The following VPS13B variants were observed in gnomAD, a reference collection of about 807,000 sequenced individuals.
VPS13B encodes intermembrane lipid transfer protein VPS13B.
Under a neutral mutation model 426.4 loss-of-function variants are expected in VPS13B, and 285 were observed. The observed-to-expected ratio is 0.67, with a 90% CI of 0.61 to 0.74. The LOEUF is 0.74. Among genes scored for constraint, VPS13B ranks in the 30% least tolerant of loss-of-function variants. The probability of loss-of-function intolerance (pLI) is 0.00; values close to 1 mark genes in which losing one functional copy is unlikely to be tolerated. For missense variants in VPS13B, 4,537 were observed against 4,782.6 expected, an observed-to-expected ratio of 0.95 and a Z score of 1.51; for synonymous variants, 1,676 against 1,676.4, an observed-to-expected ratio of 1.00 and a Z score of 0.01.
rs60360700 is a variant in VPS13B, at chr8:99,188,053, ATTTTTTTTTTT to A, written c.2334-4813_2334-4803del. 5.8e-4 allele frequency among the ~76,000 whole-genome samples: 65 copies of A among 112,766 alleles called. 1 individual carries two copies. The highest frequency in any genetic ancestry group is 2.0e-3 in the African/African-American group (59 of 29,850). 74.0% of individuals were successfully genotyped at this position (112,766 alleles called of 152,430 possible). ...AGGCTTTTGTTTTTGTTGTTTGGAC[ATTTTTTTTTTT>A]TTTTTTTTTGTGAGGGAAGGCATTG... is the stretch of plus-strand genomic sequence containing the variant. On this transcript the variant is annotated intron_variant, in intron 16 of 61. Transcript: ENST00000357162.
chr8:99,873,773 CA>C lies in VPS13B; in HGVS notation c.11746-1644del, dbSNP rs141971325. On this transcript the variant is annotated intron_variant, in intron 61 of 61. Coordinates refer to ENST00000357162, the MANE Select transcript of VPS13B (RefSeq NM_152564.5). ...CTAGAGTATTTTCAACATGAGTGGG[CA>C]GGGGAGGGTGGCCAGCAGCACTGCC... Among the ~76,000 whole-genome samples the C allele has an allele frequency of 2.0e-3, 308 of 152,250 alleles. 2 individuals are homozygous for C. Among genetic ancestry groups the C allele is most frequent in the African/African-American group, 6.7e-3 (278 of 41,526 alleles).
chr8:99,019,901 G>A (rs185682734), intron 2 of VPS13B, among the ~76,000 whole-genome samples: 1 of 152,252 alleles, frequency 6.6e-6, no homozygotes, highest in Non-Finnish European at 1.5e-5. Context: ...GGATAGTTGG[G>A]TTGCTTTCAT....
At chr8:99,785,804 C>T (rs1420446842) in intron 43 of VPS13B, among the ~76,000 whole-genome samples, 1 of 152,108 alleles carries the variant, frequency 6.6e-6, no homozygotes, top group Non-Finnish European at 1.5e-5. Context: ...CATGTTAACA[C>T]TTCCTGTATA....
At chr8:99,309,262 T>A (rs2133092778) in intron 19 of VPS13B, among the ~76,000 whole-genome samples, 1 of 152,354 alleles carries the variant, frequency 6.6e-6, no homozygotes, top group East Asian at 1.9e-4. Flanking sequence ...TGCCCATGCC[T>A]GTGTCCTGAA....
intron 8 of VPS13B, among the ~76,000 whole-genome samples, chr8:99,122,221 G>A (rs993844222): frequency 1.3e-5 from 2 of 150,660 alleles, no homozygotes; most frequent in South Asian, 2.1e-4. Flanking sequence ...CATCTCTTTC[G>A]CTTTTCAAGA....
At chr8:99,165,660 T>C (rs1394040210) in intron 15 of VPS13B, among the ~76,000 whole-genome samples, 1 of 152,202 alleles carries the variant, frequency 6.6e-6, no homozygotes, top group Non-Finnish European at 1.5e-5. Flanking sequence ...GGAAATAATG[T>C]TTTCATACAC....
In VPS13B at chr8:99,755,770, AAAATAAAT is replaced by A. The variant is rs535898763; in HGVS notation, c.7051-10988_7051-10981del. On this transcript the variant is annotated intron_variant, in intron 39 of 61. Transcript: ENST00000357162. Reference sequence around the variant, plus strand: ...GGCAACAGAGGGAGACTCCATCTCAAAAATAAATAAATAAATAAATAAACAAATAAGCA... The same window carrying A: ...GGCAACAGAGGGAGACTCCATCTCAAAAATAAATAAATAAACAAATAAGCA... Among the ~76,000 whole-genome samples, 5 of 152,178 alleles carry A rather than the reference AAAATAAAT, an allele frequency of 3.3e-5. No homozygotes were observed. The East Asian group carries it at 9.7e-4, about 29-fold the overall frequency.
chr8:99,150,171 A>G (rs1253316868), intron 14 of VPS13B, among the ~76,000 whole-genome samples: 2 of 152,248 alleles, frequency 1.3e-5, no homozygotes, highest in Non-Finnish European at 1.5e-5. Context: ...CACTGGAGAC[A>G]ATTAAAATAT....
chr8:99,294,894 C>T (rs753251931), intron 19 of VPS13B, among the ~76,000 whole-genome samples: 10 of 152,076 alleles, frequency 6.6e-5, no homozygotes, highest in Non-Finnish European at 8.8e-5. Context: ...TTCTACAGAT[C>T]GAAGTAAAAA....
rs1371533094 is a variant in VPS13B, at chr8:99,233,231, TAGTTA to T, written c.2515+40180_2515+40184del. 2.1e-4 allele frequency: 260 copies of T among 1,242,148 alleles called. 1 individual carries two copies. Among genetic ancestry groups the T allele is most frequent in the Admixed American group, 2.0e-4 (12 of 59,326 alleles). The allele number at this position is 1,242,148 out of a possible 1,614,324, so 76.9% of individuals were successfully genotyped here. On this transcript the variant is annotated intron_variant, in intron 17 of 61. Coordinates refer to ENST00000357162, the MANE Select transcript of VPS13B (RefSeq NM_152564.5). The stretch of plus-strand genomic sequence containing the variant: ...TCACGAGGCACAATGATTTCTGCAC[TAGTTA>T]AGTTATGCAGTTCATTCACAGTCTT...
chr8:99,647,297 C>T (rs1167376180), intron 34 of VPS13B, among the ~76,000 whole-genome samples: 2 of 152,010 alleles, frequency 1.3e-5, no homozygotes, highest in African/African-American at 4.8e-5. Context: ...GTGATTGGCT[C>T]ACTTCTGTAA....
At chr8:99,206,555 A>C (rs1814736393) in intron 17 of VPS13B, among the ~76,000 whole-genome samples, 1 of 152,164 alleles carries the variant, frequency 6.6e-6, no homozygotes, top group African/African-American at 2.4e-5. Flanking sequence ...AGCAACCTTT[A>C]CTTACATAAC....
intron 3 of VPS13B, among the ~76,000 whole-genome samples, chr8:99,046,159 G>C (rs1165066047): frequency 6.6e-6 from 1 of 152,040 alleles, no homozygotes; most frequent in Admixed American, 6.6e-5. Flanking sequence ...TCACAATATT[G>C]ATTCTACCCA....
intron 26 of VPS13B, 46 bp downstream of exon 26, chr8:99,501,904 C>CTCCCTCCCT (rs2133610285): frequency 1.5e-6 from 2 of 1,355,326 alleles, no homozygotes; most frequent in African/African-American, 3.2e-5. Flanking sequence ...CTGTCCCTCC[C>CTCCCTCCCT]TCCCTCCCTC....
In VPS13B at chr8:99,556,485, G is replaced by T; in HGVS notation, c.4781G>T (p.Gly1594Val). 3 of 1,612,978 alleles carry T rather than the reference G, an allele frequency of 1.9e-6. No homozygotes were observed. The South Asian group carries it at 3.3e-5, about 18-fold the overall frequency. Residue 1594 changes from glycine (G) to valine (V), a missense_variant, in exon 31 of 62, where the codon GGA becomes GTA. Gly to Val is a moderately radical substitution (Grantham distance 109). Around this residue, in one of 2 missense-constraint regions of VPS13B, gnomAD observed 4,311 missense variants for 4,474.3 expected, o/e 0.96. Transcript: ENST00000357162. Reference protein sequence around the residue: ...ALNLGILRDPGSEIEDRQYQI... With the variant: ...ALNLGILRDPVSEIEDRQYQI... ...AACTTAGGAATTCTTCGAGATCCTGGATCAGAAATCGAAGACAGACAATAC... is the reference window on the plus strand; with the variant it reads ...AACTTAGGAATTCTTCGAGATCCTGTATCAGAAATCGAAGACAGACAATAC...
chr8:99,812,057 G>A (rs937219473), intron 44 of VPS13B, among the ~76,000 whole-genome samples: 3 of 152,062 alleles, frequency 2.0e-5, no homozygotes, highest in African/African-American at 7.2e-5. Context: ...TATATACAGT[G>A]TTCCTGCACA....
chr8:99,615,835 AT>A (rs1828061079), intron 33 of VPS13B, among the ~76,000 whole-genome samples: 1 of 152,170 alleles, frequency 6.6e-6, no homozygotes, highest in Admixed American at 6.5e-5. Context: ...GAATATTATT[AT>A]TATAATGATT....
At chr8:99,152,864 T>C (rs948973514) in intron 14 of VPS13B, among the ~76,000 whole-genome samples, 1 of 152,220 alleles carries the variant, frequency 6.6e-6, no homozygotes, top group African/African-American at 2.4e-5. Context: ...TCTTTTAATC[T>C]ACAAGTGTCT....
chr8:99,241,310 A>C (rs900843493), intron 17 of VPS13B: 7 of 152,200 alleles, frequency 4.6e-5, no homozygotes, highest in African/African-American at 1.7e-4. Context: ...TTTCTTAACT[A>C]TTATCCTGTG....
Sources: allele counts gnomAD v4.1 joint callset (sites outside exome capture counted in the v4.1 genomes callset), GRCh38; gene constraint gnomAD v4.1.1; regional missense constraint gnomAD v4.1.1; transcripts MANE v1.5; gene names NCBI Gene and HGNC (gene_info 2026-07-23, HGNC 2026-07-21).